The following LRRC8D variants were observed in gnomAD, a reference collection of about 807,000 sequenced individuals.
LRRC8D encodes the protein volume-regulated anion channel subunit LRRC8D.
A neutral mutation model predicts 55.8 loss-of-function variants in LRRC8D; 20 were observed. The ratio of observed to expected loss-of-function variants is 0.36; its 90% CI spans 0.25 to 0.52. The LOEUF is 0.52. LRRC8D is among the 20% of genes least tolerant of loss of function. The pLI is 0.93. For missense variants in LRRC8D, 651 were observed against 1,030.8 expected, an observed-to-expected ratio of 0.63 and a Z score of 5.05; for synonymous variants, 352 against 377.0, an observed-to-expected ratio of 0.93 and a Z score of 0.77.
At chr1:89,896,652 A>G (rs1383794106) in intron 2 of LRRC8D, among the ~76,000 whole-genome samples, 2 of 152,188 alleles carry the variant, frequency 1.3e-5, no homozygotes, top group African/African-American at 4.8e-5. Context: ...TCAGGACTGT[A>G]GTCAAATAGA....
intron 2 of LRRC8D, among the ~76,000 whole-genome samples, chr1:89,897,105 G>A (rs1662732119): frequency 6.6e-6 from 1 of 152,206 alleles, no homozygotes; most frequent in African/African-American, 2.4e-5. Flanking sequence ...CAAAGGAAGA[G>A]AAGTATGCAG....
In LRRC8D at chr1:89,934,385, A is replaced by G; in HGVS notation, c.1317A>G (p.Ser439=). 1 of 1,613,808 alleles carries G rather than the reference A, an allele frequency of 6.2e-7. No homozygotes were observed. The highest frequency in any genetic ancestry group is 8.5e-7 in the Non-Finnish European group (1 of 1,180,036). The change falls in exon 3 of 3, where the codon TCA becomes TCG. Residue 439 remains serine (S), a synonymous_variant. Transcript: ENST00000337338. The surrounding 1 kb of genome is among the most constrained non-coding windows in gnomAD (Gnocchi z 5.9). ...CCAAGCGTTTTGGTGTGTTCTTGTC[A>G]GAAGTTAGTGAAAATAAACTTAGGG... ...LYSKRFGVFL[S]EVSENKLREI... is the part of the protein sequence containing the mutation.
chr1:89,842,100 C>A (rs758116146), intron 1 of LRRC8D, among the ~76,000 whole-genome samples: 2 of 151,422 alleles, frequency 1.3e-5, no homozygotes, highest in African/African-American at 2.4e-5. Flanking sequence ...GTAGTTTAAG[C>A]TTCTCGGGAG....
At chr1:89,916,938 CATTG>C (rs1356346427) in intron 2 of LRRC8D, among the ~76,000 whole-genome samples, 9 of 152,080 alleles carry the variant, frequency 5.9e-5, no homozygotes, top group Admixed American at 2.6e-4. Flanking sequence ...ATTTCCATTT[CATTG>C]ATAAGGAAAA....
chr1:89,897,152 T>C (rs982551324), intron 2 of LRRC8D, among the ~76,000 whole-genome samples: 4 of 152,238 alleles, frequency 2.6e-5, no homozygotes, highest in African/African-American at 9.6e-5. Context: ...TAACTATTGA[T>C]GTATGTACAT....
chr1:89,922,174 G>A (rs750266002), intron 2 of LRRC8D, among the ~76,000 whole-genome samples: 3 of 151,774 alleles, frequency 2.0e-5, no homozygotes, highest in Non-Finnish European at 2.9e-5. Flanking sequence ...AGCTATGCTC[G>A]TGCTTCAGCC....
At chr1:89,872,585 T>G (rs1489142164) in intron 2 of LRRC8D, among the ~76,000 whole-genome samples, 2 of 152,246 alleles carry the variant, frequency 1.3e-5, no homozygotes, top group Non-Finnish European at 2.9e-5. Flanking sequence ...AAGAGAATTT[T>G]CTTAAGGATA....
intron 2 of LRRC8D, among the ~76,000 whole-genome samples, chr1:89,924,756 T>G (rs1167799903): frequency 2.0e-5 from 3 of 152,136 alleles, no homozygotes; most frequent in African/African-American, 7.2e-5. Context: ...TATATCATGT[T>G]TTTTGCAGCA....
chr1:89,863,827 T>C (rs1233507201), intron 2 of LRRC8D, among the ~76,000 whole-genome samples: 1 of 152,230 alleles, frequency 6.6e-6, no homozygotes, highest in Non-Finnish European at 1.5e-5. Flanking sequence ...TTTTGAAATA[T>C]TAAAAATGTT....
At chr1:89,909,865 CAA>C (rs199845267) in intron 2 of LRRC8D, among the ~76,000 whole-genome samples, 1,107 of 93,802 alleles carry the variant, frequency 0.012, 12 homozygotes, top group East Asian at 0.056. Context: ...GACTCCGTCT[CAA>C]AAAAAAAAAA....
chr1:89,914,546 A>G (rs1663210736), intron 2 of LRRC8D, among the ~76,000 whole-genome samples: 1 of 152,198 alleles, frequency 6.6e-6, no homozygotes, highest in African/African-American at 2.4e-5. Context: ...AAAAATATCT[A>G]TACTTACGTT....
rs1248884367 is a variant in LRRC8D, at chr1:89,911,167, C to A, written c.-2-21900C>A. ...AGAGCTACTCACTCATATGTCCATGCATTTTTGGGGTTTTTTTTTTTTTAG... is the reference window on the plus strand; with the variant it reads ...AGAGCTACTCACTCATATGTCCATGAATTTTTGGGGTTTTTTTTTTTTTAG... On this transcript the variant is annotated intron_variant, in intron 2 of 2. Transcript: ENST00000337338. This position sits in a 1 kb window ranked among gnomAD's most constrained non-coding sequence, Gnocchi z 4.0. 6.8e-6 allele frequency among the ~76,000 whole-genome samples: 1 copy of A among 148,052 alleles called. No homozygotes were observed.
intron 2 of LRRC8D, among the ~76,000 whole-genome samples, chr1:89,877,218 T>TTC (rs200283038): frequency 4.6e-5 from 7 of 151,354 alleles, no homozygotes; most frequent in Non-Finnish European, 8.8e-5. Flanking sequence ...AAACAGTTCT[T>TTC]TCTCTCTCTC....
intron 2 of LRRC8D, among the ~76,000 whole-genome samples, chr1:89,876,011 G>A (rs1416380772): frequency 6.6e-6 from 1 of 152,160 alleles, no homozygotes; most frequent in Non-Finnish European, 1.5e-5. Context: ...ATGTTGGGTA[G>A]GGAGCATGTC....
At chr1:89,918,877 T>C (rs1051200184) in intron 2 of LRRC8D, among the ~76,000 whole-genome samples, 2 of 152,232 alleles carry the variant, frequency 1.3e-5, no homozygotes, top group Non-Finnish European at 2.9e-5. Flanking sequence ...CAGTATTTGG[T>C]TCAGGTTGGG....
intron 2 of LRRC8D, among the ~76,000 whole-genome samples, chr1:89,891,544 G>A (rs1030470872): frequency 1.3e-5 from 2 of 152,178 alleles, no homozygotes; most frequent in African/African-American, 4.8e-5. Flanking sequence ...GTTTATCAGT[G>A]TCTTGTGCCT....
rs145562006 is a variant in LRRC8D at position 89,868,306 on chromosome 1, G to A, written c.-3+24524G>A. On this transcript the variant is annotated intron_variant, in intron 2 of 2. Transcript: ENST00000337338. ...GAATCATAAAATGTAAGGATTAGAAGCTAATGATTCCCACAGGAAACATTA... is the reference window on the plus strand; with the variant it reads ...GAATCATAAAATGTAAGGATTAGAAACTAATGATTCCCACAGGAAACATTA... Among the ~76,000 whole-genome samples the A allele has an allele frequency of 7.2e-5, 11 of 152,254 alleles. No homozygotes were observed. The East Asian group carries it at 2.1e-3, about 29-fold the overall frequency.
intron 2 of LRRC8D, among the ~76,000 whole-genome samples, chr1:89,848,641 T>C (rs529013101): frequency 6.6e-5 from 10 of 152,268 alleles, no homozygotes; most frequent in African/African-American, 2.4e-4. Context: ...AGACACTGAT[T>C]ATCTCTAATC....
intron 2 of LRRC8D, among the ~76,000 whole-genome samples, chr1:89,899,558 A>G (rs1662797953): frequency 6.6e-6 from 1 of 152,216 alleles, no homozygotes. Context: ...ATTAATGTAA[A>G]CTGCATCACC....
Sources: allele counts gnomAD v4.1 joint callset (sites outside exome capture counted in the v4.1 genomes callset), GRCh38; gene constraint gnomAD v4.1.1; non-coding constraint Gnocchi (gnomAD v3.1); transcripts MANE v1.5; gene names NCBI Gene and HGNC (gene_info 2026-07-23, HGNC 2026-07-21).